PXDNL: variants seen among roughly 807,000 people sequenced by gnomAD.
PXDNL encodes the protein probable oxidoreductase PXDNL.
PXDNL carries 145 observed loss-of-function variants against 150.8 expected under a neutral mutation model. That is an observed-to-expected ratio of 0.96 (90% CI 0.84 to 1.10). The LOEUF (loss-of-function observed/expected upper bound fraction) is 1.10, where lower values mean the gene tolerates loss of function less well. Ranked by LOEUF, PXDNL falls within the 50% of genes least tolerant of loss-of-function variation. PXDNL has a pLI of 0.00. For missense variants in PXDNL, 2,087 were observed against 1,873.9 expected, an observed-to-expected ratio of 1.11 and a Z score of -2.10; for synonymous variants, 757 against 725.7, an observed-to-expected ratio of 1.04 and a Z score of -0.69.
chr8:51,356,898 C>T (rs1806527193), intron 19 of PXDNL, among the ~76,000 whole-genome samples: 1 of 152,134 alleles, frequency 6.6e-6, no homozygotes, highest in Non-Finnish European at 1.5e-5. Flanking sequence ...CTTACTATTC[C>T]CTAGGCCTTA....
intron 4 of PXDNL, among the ~76,000 whole-genome samples, chr8:51,528,278 G>T (rs1811808521): frequency 9.3e-6 from 1 of 106,978 alleles, no homozygotes; most frequent in Admixed American, 9.6e-5. Flanking sequence ...TTTCACTTAA[G>T]GATATAACAA....
intron 4 of PXDNL, 72 bp from the exon 5 acceptor site, chr8:51,499,842 A>G: frequency 2.0e-6 from 2 of 977,262 alleles, no homozygotes; most frequent in African/African-American, 1.6e-5. Context: ...AGAATTAGCA[A>G]TTGCTTCAGC....
At chr8:51,606,798 C>T (rs180840854) in intron 2 of PXDNL, among the ~76,000 whole-genome samples, 8 of 151,978 alleles carry the variant, frequency 5.3e-5, no homozygotes, top group African/African-American at 1.9e-4. Context: ...TTATTATTTT[C>T]ACATGTCTTT....
intron 20 of PXDNL, among the ~76,000 whole-genome samples, chr8:51,340,365 G>T (rs115583300): frequency 6.6e-6 from 1 of 151,960 alleles, no homozygotes; most frequent in Non-Finnish European, 1.5e-5. Context: ...AACTAATTTG[G>T]GAAATAGAAA....
At chr8:51,412,341 A>G (rs1808675883) in intron 15 of PXDNL, among the ~76,000 whole-genome samples, 1 of 152,202 alleles carries the variant, frequency 6.6e-6, no homozygotes, top group Non-Finnish European at 1.5e-5. Context: ...AAGCACATCC[A>G]TGAAGTAGAT....
At chr8:51,506,778 C>T (rs1045988687) in intron 4 of PXDNL, among the ~76,000 whole-genome samples, 1 of 151,962 alleles carries the variant, frequency 6.6e-6, no homozygotes, top group African/African-American at 2.4e-5. Context: ...CAGATTAGAC[C>T]ATCCCCTTTA....
intron 17 of PXDNL, among the ~76,000 whole-genome samples, chr8:51,394,545 G>A (rs1051246665): frequency 1.3e-4 from 20 of 152,156 alleles, no homozygotes; most frequent in Admixed American, 4.6e-4. Flanking sequence ...CTTAAAGGGT[G>A]GCTAGTATAC....
At position 51,453,769 on chromosome 8, in the gene PXDNL, T is replaced by A. The variant is rs369702376; in HGVS notation, c.999A>T (p.Val333=). ...AAACCTCTGTGTCCTGAGGCTGGAT[T>A]ACAAAGCTTGGTTTGGCTGATGGTA... ...YSSLPAKPSF[V]IQPQDTEVLI... The change falls in exon 10 of 23, where the codon GTA becomes GTT. Residue 333 remains valine, a synonymous_variant. Transcript: ENST00000356297. 2 of 1,613,810 alleles carry A rather than the reference T, an allele frequency of 1.2e-6. No homozygotes were observed. The highest frequency in any genetic ancestry group is 2.7e-5 in the African/African-American group (2 of 74,944).
chr8:51,372,104 A>AG, intron 18 of PXDNL, 23 bp from the exon 19 acceptor site: 2 of 1,543,154 alleles, frequency 1.3e-6, no homozygotes, highest in Non-Finnish European at 1.8e-6. Context: ...CAAAAAAAAA[A>AG]CATTGTCGTG....
At chr8:51,723,884 T>C (rs1439003181) in intron 1 of PXDNL, among the ~76,000 whole-genome samples, 1 of 152,098 alleles carries the variant, frequency 6.6e-6, no homozygotes, top group African/African-American at 2.4e-5. Context: ...GCAGGGAGTC[T>C]GGTGGGAGCC....
At chr8:51,540,320 C>G (rs1812187821) in intron 4 of PXDNL, among the ~76,000 whole-genome samples, 1 of 152,134 alleles carries the variant, frequency 6.6e-6, no homozygotes, top group African/African-American at 2.4e-5. Context: ...AAGATTGCAT[C>G]ACTGATTTAG....
chr8:51,645,934 T>C (rs1056197920), intron 2 of PXDNL, among the ~76,000 whole-genome samples: 1 of 151,986 alleles, frequency 6.6e-6, no homozygotes, highest in Admixed American at 6.6e-5. Flanking sequence ...AGGAAAGTGC[T>C]GCGTGCTGAG....
At chr8:51,757,268 C>A (rs929332830) in intron 1 of PXDNL, among the ~76,000 whole-genome samples, 7 of 152,080 alleles carry the variant, frequency 4.6e-5, no homozygotes, top group Non-Finnish European at 7.4e-5. Context: ...TGAAAAATTG[C>A]AGTCATTATT....
In PXDNL at chr8:51,579,148, C is replaced by T. The variant is rs540098868; in HGVS notation, c.308+13479G>A. ...TGAAAACACCTGCTCTTCAAAAGACCCTGTTAAGAAGACTAAAAGTAAGTT... is the reference window on the plus strand; with the variant it reads ...TGAAAACACCTGCTCTTCAAAAGACTCTGTTAAGAAGACTAAAAGTAAGTT... On this transcript the variant is annotated intron_variant, in intron 3 of 22. Transcript: ENST00000356297. Among the ~76,000 whole-genome samples the T allele has an allele frequency of 1.3e-4, 20 of 151,834 alleles. No homozygotes were observed. In the East Asian group the frequency reaches 3.7e-3, roughly 28 times the overall value.
intron 4 of PXDNL, among the ~76,000 whole-genome samples, chr8:51,541,894 C>T (rs781204134): frequency 2.0e-4 from 31 of 152,092 alleles, no homozygotes; most frequent in African/African-American, 5.3e-4. Context: ...TCATTTTCTA[C>T]GAGTTTTTTT....
At chr8:51,756,956 T>C (rs139531557) in intron 1 of PXDNL, among the ~76,000 whole-genome samples, 123 of 152,380 alleles carry the variant, frequency 8.1e-4, no homozygotes, top group Admixed American at 2.3e-3. Context: ...TTCGTATGTT[T>C]AGAACATCAT....
intron 12 of PXDNL, among the ~76,000 whole-genome samples, chr8:51,428,922 A>T (rs1809180564): frequency 5.4e-5 from 1 of 18,404 alleles, no homozygotes; most frequent in Non-Finnish European, 2.9e-4. Flanking sequence ...AGACGGAGAA[A>T]ATATTTGCAA....
intron 2 of PXDNL, among the ~76,000 whole-genome samples, chr8:51,621,544 C>T (rs4873566): frequency 0.49 from 73,973 of 151,070 alleles, 22,184 homozygotes; most frequent in Non-Finnish European, 0.66. Context: ...ATATGGTAGA[C>T]GGGATTCTAA....
intron 4 of PXDNL, among the ~76,000 whole-genome samples, chr8:51,530,600 C>T (rs1811878118): frequency 6.6e-6 from 1 of 152,182 alleles, no homozygotes; most frequent in Non-Finnish European, 1.5e-5. Context: ...TCCACTCACC[C>T]CAGTACAGCA....
Sources: allele counts gnomAD v4.1 joint callset (sites outside exome capture counted in the v4.1 genomes callset), GRCh38; gene constraint gnomAD v4.1.1; transcripts MANE v1.5; gene names NCBI Gene and HGNC (gene_info 2026-07-23, HGNC 2026-07-21).